The following NEURL1B variants were observed in gnomAD, a reference collection of about 807,000 sequenced individuals.
NEURL1B encodes the protein E3 ubiquitin-protein ligase NEURL1B.
NEURL1B carries 13 observed loss-of-function variants against 37.4 expected under a neutral mutation model. The ratio of observed to expected loss-of-function variants is 0.35; its 90% confidence interval spans 0.23 to 0.55. NEURL1B has a LOEUF of 0.55. Ranked by LOEUF, NEURL1B falls within the 20% of genes least tolerant of loss-of-function variation. NEURL1B has a pLI of 0.89. For missense variants in NEURL1B, 790 were observed against 879.2 expected, an observed-to-expected ratio of 0.90 and a Z score of 1.28; for synonymous variants, 432 against 426.6, an observed-to-expected ratio of 1.01 and a Z score of -0.16.
chr5:172,670,425 G>T, intron 2 of NEURL1B, 95 bp downstream of exon 2: 3 of 1,031,452 alleles, frequency 2.9e-6, no homozygotes. Flanking sequence ...CTTATGGAGA[G>T]CTCCTTTTGC....
chr5:172,673,008 G>GT (rs11416637), intron 2 of NEURL1B, among the ~76,000 whole-genome samples: 31,520 of 152,052 alleles, frequency 0.21, 4,516 homozygotes, highest in African/African-American at 0.42. Context: ...TTTCTGACAC[G>GT]TGATTGAGGC....
chr5:172,683,756 C>G lies in NEURL1B; in HGVS notation c.915C>G (p.Asp305Glu), dbSNP rs1758417220. 4 of 1,312,868 alleles carry G rather than the reference C, an allele frequency of 3.0e-6. No individual in the cohort carries two copies. The highest frequency in any genetic ancestry group is 1.7e-5 in the South Asian group (1 of 57,600). 81.3% of individuals were successfully genotyped at this position (1,312,868 alleles called of 1,614,324 possible). A position where few individuals can be genotyped will look rare whatever the true frequency, so the allele number is the denominator to read the frequency against. The change falls in exon 3 of 5, where the codon GAC (aspartate) becomes GAG (glutamate). Residue 305 changes from aspartate to glutamate, a missense_variant. By Grantham distance (45) the Asp-to-Glu change is conservative. Transcript: ENST00000369800. This position sits in a 1 kb window ranked among gnomAD's most constrained non-coding sequence, Gnocchi z 5.6. ...AAGTGGCCTGCGCACCGCGGCCCGA[C>G]GGCGGCCGCACGCTGGTCTTCTCCG... ...DRKVACAPRP[D>E]GGRTLVFSER...
At chr5:172,672,545 C>CCCA (rs1554098454) in intron 2 of NEURL1B, among the ~76,000 whole-genome samples, 1 of 130,612 alleles carries the variant, frequency 7.7e-6, no homozygotes, top group Non-Finnish European at 1.8e-5. Flanking sequence ...AACTCTCCCC[C>CCCA]CCCCACTCTA....
intron 1 of NEURL1B, among the ~76,000 whole-genome samples, chr5:172,663,743 CTTGGTCT>C (rs1757948893): frequency 2.0e-5 from 3 of 151,490 alleles, no homozygotes; most frequent in Non-Finnish European, 4.4e-5. Flanking sequence ...CCAGCAGGGC[CTTGGTCT>C]TTCATGGGAG....
At chr5:172,646,796 A>G (rs1003022814) in intron 1 of NEURL1B, among the ~76,000 whole-genome samples, 1 of 152,038 alleles carries the variant, frequency 6.6e-6, no homozygotes, top group African/African-American at 2.4e-5. Context: ...GACATCAGCT[A>G]GGAGAAGGGA....
intron 1 of NEURL1B, among the ~76,000 whole-genome samples, chr5:172,649,805 C>T (rs1034305683): frequency 1.3e-5 from 2 of 152,216 alleles, no homozygotes; most frequent in African/African-American, 4.8e-5. Flanking sequence ...CCTGTGTCCA[C>T]CCAGCCTCAG....
In NEURL1B at chr5:172,647,941, A is replaced by G. The variant is rs1757590087; in HGVS notation, c.31+6504A>G. Among the ~76,000 whole-genome samples, 1 of 152,008 alleles carries G rather than the reference A, an allele frequency of 6.6e-6. No individual in the cohort carries two copies. The highest frequency in any genetic ancestry group is 2.4e-5 in the African/African-American group (1 of 41,360). ...TGCTCCCAATACCTTCCCTGGGCCCAGGGTCCTCACAGGCCCTTCCCCCAT... is the reference window on the plus strand; with the variant it reads ...TGCTCCCAATACCTTCCCTGGGCCCGGGGTCCTCACAGGCCCTTCCCCCAT... On this transcript the variant is annotated intron_variant, in intron 1 of 4. Coordinates refer to ENST00000369800, the MANE Select transcript of NEURL1B (RefSeq NM_001142651.3). This position sits in a 1 kb window ranked among gnomAD's most constrained non-coding sequence, Gnocchi z 4.2.
Position 172,641,311 on chromosome 5 carries a change from C to T in NEURL1B, c.-96C>T. The T allele has an allele frequency of 8.9e-7, 1 of 1,117,420 alleles. No homozygotes were observed. 69.2% of individuals were successfully genotyped at this position (1,117,420 alleles called of 1,614,324 possible). A position where few individuals can be genotyped will look rare whatever the true frequency, so the allele number is the denominator to read the frequency against. On this transcript the variant is annotated 5_prime_UTR_variant, in exon 1 of 5. Transcript: ENST00000369800. The surrounding 1 kb of genome is among the most constrained non-coding windows in gnomAD (Gnocchi z 6.4). The stretch of plus-strand genomic sequence containing the variant: ...GCTCGCCCGTGCAGCTGCGATGCCC[C>T]GGAGCGTCGACCCCGGTCCTGGTCC...
intron 1 of NEURL1B, chr5:172,656,397 A>T: frequency 1.4e-6 from 1 of 699,198 alleles, no homozygotes; most frequent in South Asian, 2.2e-5. Context: ...TTAAATGTAC[A>T]ACAGCTCCAA....
chr5:172,667,128 C>G (rs1221351369), intron 1 of NEURL1B, among the ~76,000 whole-genome samples: 1 of 151,916 alleles, frequency 6.6e-6, no homozygotes, highest in African/African-American at 2.4e-5. Flanking sequence ...GCTTCCCATT[C>G]AAGTGTCTGT....
Position 172,641,554 on chromosome 5 carries a change from C to T in NEURL1B, c.31+117C>T. The T allele has an allele frequency of 1.1e-6, 1 of 915,016 alleles. No homozygotes were observed. The highest frequency in any genetic ancestry group is 1.4e-6 in the Non-Finnish European group (1 of 697,384). The allele number at this position is 915,016 out of a possible 1,614,324, so 56.7% of individuals were successfully genotyped here. On this transcript the variant is annotated intron_variant, in intron 1 of 4. Coordinates refer to ENST00000369800, the MANE Select transcript of NEURL1B (RefSeq NM_001142651.3). The surrounding 1 kb of genome is among the most constrained non-coding windows in gnomAD (Gnocchi z 6.4). Reference sequence around the variant, plus strand: ...CTTGGAGCCCTCGGCTCGCAGCGGGCTGGAGTCTCCGGTACCTCCCGGACC... The same window carrying T: ...CTTGGAGCCCTCGGCTCGCAGCGGGTTGGAGTCTCCGGTACCTCCCGGACC...
Position 172,688,704 on chromosome 5 carries a change from A to G in NEURL1B, c.*1779A>G, listed in dbSNP as rs1758563275. The stretch of plus-strand genomic sequence containing the variant: ...TACTTTTCCCTAGAAAATCTGGGGA[A>G]ATTCCCACATTTTAATTTTGCAGCA... On this transcript the variant is annotated 3_prime_UTR_variant, in exon 5 of 5. Coordinates refer to ENST00000369800, the MANE Select transcript of NEURL1B (RefSeq NM_001142651.3). This position sits in a 1 kb window ranked among gnomAD's most constrained non-coding sequence, Gnocchi z 4.3. 1 of 152,240 alleles carries G rather than the reference A, an allele frequency of 6.6e-6. No individual in the cohort carries two copies. Among genetic ancestry groups the G allele is most frequent in the Non-Finnish European group, 1.5e-5 (1 of 68,054 alleles). The allele number at this position is 152,240 out of a possible 1,614,324, so 9.4% of individuals were successfully genotyped here.
In NEURL1B at chr5:172,647,373, C is replaced by T. The variant is rs553176627; in HGVS notation, c.31+5936C>T. 1.3e-5 allele frequency among the ~76,000 whole-genome samples: 2 copies of T among 152,256 alleles called. No individual in the cohort carries two copies. The highest frequency in any genetic ancestry group is 4.1e-4 in the South Asian group (2 of 4,832). ...GCCCTTTATTCCATCCCATTGAAGC[C>T]GTCATGAGAGCCTTGCGAGGCAGTC... On this transcript the variant is annotated intron_variant, in intron 1 of 4. Transcript: ENST00000369800. This position sits in a 1 kb window ranked among gnomAD's most constrained non-coding sequence, Gnocchi z 4.2.
chr5:172,679,866 C>A (rs1581437472), intron 2 of NEURL1B, among the ~76,000 whole-genome samples: 1 of 152,164 alleles, frequency 6.6e-6, no homozygotes. Flanking sequence ...CCTTTATACA[C>A]CCTCAGAGAA....
At chr5:172,684,375 C>T (rs1182741771) in intron 3 of NEURL1B, among the ~76,000 whole-genome samples, 1 of 152,112 alleles carries the variant, frequency 6.6e-6, no homozygotes, top group Non-Finnish European at 1.5e-5. Flanking sequence ...ACGTGCATTT[C>T]CGACAAGTGC....
rs992133219 is a variant in NEURL1B at position 172,690,464 on chromosome 5, GT to G, written c.*3542del. On this transcript the variant is annotated 3_prime_UTR_variant, in exon 5 of 5. Transcript: ENST00000369800. ...GAAATCAGATTATGAGTGTTCAGGG[GT>G]TTGATAAAACAGCACCACATAACGC... 8.9e-4 allele frequency: 136 copies of G among 152,308 alleles called. No homozygotes were observed. The highest frequency in any genetic ancestry group is 3.2e-3 in the African/African-American group (134 of 41,558). The allele number at this position is 152,308 out of a possible 1,614,324, so 9.4% of individuals were successfully genotyped here.
chr5:172,655,122 C>G (rs1561642753), intron 1 of NEURL1B, among the ~76,000 whole-genome samples: 1 of 152,140 alleles, frequency 6.6e-6, no homozygotes, highest in African/African-American at 2.4e-5. Context: ...GGGAGTGGAG[C>G]TGCTCTTTCT....
At chr5:172,669,008 G>A (rs1758068901) in intron 1 of NEURL1B, among the ~76,000 whole-genome samples, 1 of 152,196 alleles carries the variant, frequency 6.6e-6, no homozygotes, top group Non-Finnish European at 1.5e-5. Context: ...GAGGGGAGGG[G>A]AATCCCTGAA....
chr5:172,670,139 G>T lies in NEURL1B; in HGVS notation c.386G>T (p.Trp129Leu). 6.6e-7 allele frequency: 1 copy of T among 1,510,354 alleles called. No homozygotes were observed. The highest frequency in any genetic ancestry group is 2.6e-5 in the East Asian group (1 of 38,884). The allele number at this position is 1,510,354 out of a possible 1,614,324, so 93.6% of individuals were successfully genotyped here. The part of the protein sequence containing the change: ...CPDLVTRPGY[W>L]AKALPENLAL... ...GACCTGGTCACGCGGCCGGGCTACT[G>T]GGCCAAGGCACTGCCCGAGAACCTG... The change falls in exon 2 of 5, where the codon TGG becomes TTG. Residue 129 changes from tryptophan (W) to leucine (L), a missense_variant. This residue lies in a region of NEURL1B where 215 missense variants were observed against 309.2 expected (regional missense o/e 0.70). Coordinates refer to ENST00000369800, the MANE Select transcript of NEURL1B (RefSeq NM_001142651.3).
Sources: allele counts gnomAD v4.1 joint callset (sites outside exome capture counted in the v4.1 genomes callset), GRCh38; gene constraint gnomAD v4.1.1; regional missense constraint gnomAD v4.1.1; non-coding constraint Gnocchi (gnomAD v3.1); transcripts MANE v1.5; gene names NCBI Gene and HGNC (gene_info 2026-07-23, HGNC 2026-07-21).